L3MBTL4: variants seen among roughly 807,000 people sequenced by gnomAD.
L3MBTL4 encodes the protein L3MBTL histone methyl-lysine binding protein 4.
A neutral mutation model predicts 84.5 loss-of-function variants in L3MBTL4; 70 were observed. The observed-to-expected ratio is 0.83, with a 90% CI of 0.68 to 1.01. The LOEUF (loss-of-function observed/expected upper bound fraction) is 1.01, where lower values mean the gene tolerates loss of function less well. Ranked by LOEUF, L3MBTL4 falls within the 50% of genes least tolerant of loss-of-function variation. The pLI is 0.00. For synonymous variants in L3MBTL4, 274 were observed against 259.8 expected (o/e 1.05, Z -0.52); for missense variants, 715 against 754.8 (o/e 0.95, Z 0.62).
chr18:5,997,313 T>C (rs1483427028), intron 16 of L3MBTL4, among the ~76,000 whole-genome samples: 3 of 143,584 alleles, frequency 2.1e-5, no homozygotes, highest in African/African-American at 9.0e-5. Context: ...CTAAACAAAA[T>C]AGTGACAGAG....
intron 1 of L3MBTL4, among the ~76,000 whole-genome samples, chr18:6,406,364 A>T (rs967729981): frequency 1.3e-5 from 2 of 152,262 alleles, no homozygotes; most frequent in South Asian, 4.1e-4. Context: ...ATCTACTATC[A>T]TTAGAACATT....
intron 4 of L3MBTL4, among the ~76,000 whole-genome samples, chr18:6,299,054 G>A (rs1415409135): frequency 6.6e-6 from 1 of 152,120 alleles, no homozygotes; most frequent in Non-Finnish European, 1.5e-5. Flanking sequence ...AAGGCATATA[G>A]GTCTGGGATT....
chr18:6,059,631 G>A (rs754073115), intron 16 of L3MBTL4, among the ~76,000 whole-genome samples: 1 of 151,966 alleles, frequency 6.6e-6, no homozygotes, highest in Non-Finnish European at 1.5e-5. Context: ...AAAAAAGCCT[G>A]ATATCCTAGA....
intron 1 of L3MBTL4, among the ~76,000 whole-genome samples, chr18:6,398,763 A>AG (rs1320727670): frequency 6.7e-6 from 1 of 148,932 alleles, no homozygotes; most frequent in African/African-American, 2.5e-5. Context: ...GGGGCGGGGG[A>AG]GAAAAAAAAA....
In L3MBTL4 at chr18:5,954,733, T is replaced by G. The variant is rs1229287860; in HGVS notation, c.*1487A>C. On this transcript the variant is annotated 3_prime_UTR_variant, in exon 19 of 19. Transcript: ENST00000317931. ...AGGTATAAATTTTGTTTTCTCTGTTTATTATCATTTAAAATATATTAAAAT... is the reference window on the plus strand; with the variant it reads ...AGGTATAAATTTTGTTTTCTCTGTTGATTATCATTTAAAATATATTAAAAT... 3 of 152,196 alleles carry G rather than the reference T, an allele frequency of 2.0e-5. No homozygotes were observed. Among genetic ancestry groups the G allele is most frequent in the Non-Finnish European group, 4.4e-5 (3 of 68,042 alleles). 9.4% of individuals were successfully genotyped at this position (152,196 alleles called of 1,614,324 possible).
chr18:6,247,465 G>GTTTTT (rs2047718072), intron 5 of L3MBTL4, among the ~76,000 whole-genome samples: 1 of 84,858 alleles, frequency 1.2e-5, no homozygotes, highest in African/African-American at 6.9e-5. Context: ...CCCCTCCTCT[G>GTTTTT]ATTTTTTTTT....
chr18:6,390,304 T>C (rs2054991981), intron 1 of L3MBTL4, among the ~76,000 whole-genome samples: 1 of 152,134 alleles, frequency 6.6e-6, no homozygotes, highest in South Asian at 2.1e-4. Flanking sequence ...ACACAAGTTA[T>C]CAAAACTTCT....
At chr18:6,394,894 T>C (rs1217119599) in intron 1 of L3MBTL4, 2 of 152,214 alleles carry the variant, frequency 1.3e-5, no homozygotes, top group Non-Finnish European at 2.9e-5. Flanking sequence ...GATCATTTGC[T>C]TGCAGTTTGC....
intron 16 of L3MBTL4, among the ~76,000 whole-genome samples, chr18:5,990,669 C>G (rs959892575): frequency 1.3e-5 from 2 of 152,126 alleles, no homozygotes; most frequent in South Asian, 4.1e-4. Flanking sequence ...AAAACATCAT[C>G]TAGACTTAGC....
At chr18:6,303,574 T>C (rs561604163) in intron 3 of L3MBTL4, among the ~76,000 whole-genome samples, 6 of 152,362 alleles carry the variant, frequency 3.9e-5, no homozygotes, top group South Asian at 2.1e-4. Flanking sequence ...TTTATTCTTA[T>C]ATAGTTTTGG....
At chr18:6,148,755 G>GA (rs1358538650) in intron 13 of L3MBTL4, among the ~76,000 whole-genome samples, 4 of 151,934 alleles carry the variant, frequency 2.6e-5, no homozygotes. Context: ...TTTAAGAATA[G>GA]AAAAAATGTT....
Position 6,239,790 on chromosome 18 carries a change from G to A in L3MBTL4, c.635C>T (p.Ala212Val), listed in dbSNP as rs756896807. The change falls in exon 9 of 19, where the codon GCG (alanine) becomes GTG (valine). Residue 212 changes from alanine to valine, a missense_variant. Coordinates refer to ENST00000317931, the MANE Select transcript of L3MBTL4 (RefSeq NM_001330559.2). The part of the protein sequence containing the change: ...DRKNPSLVCV[A>V]TIADIVEDRL... ...ATCTTCAACAATATCTGCTATGGTC[G>A]CCACACACACCAAGGAAGGGTTCTT... 3.7e-6 allele frequency: 6 copies of A among 1,614,034 alleles called. No individual in the cohort carries two copies. Among genetic ancestry groups the A allele is most frequent in the Non-Finnish European group, 4.2e-6 (5 of 1,179,966 alleles).
chr18:6,357,291 T>C (rs915754403), intron 1 of L3MBTL4, among the ~76,000 whole-genome samples: 1 of 152,198 alleles, frequency 6.6e-6, no homozygotes, highest in African/African-American at 2.4e-5. Flanking sequence ...TCTCATCAAA[T>C]CTTGAGACAT....
chr18:6,321,296 C>CA (rs2051390661), intron 1 of L3MBTL4, among the ~76,000 whole-genome samples: 1 of 152,004 alleles, frequency 6.6e-6, no homozygotes, highest in African/African-American at 2.4e-5. Context: ...ACAGACAACC[C>CA]AGAGAATGGG....
At chr18:6,147,662 C>T (rs1470671516) in intron 13 of L3MBTL4, among the ~76,000 whole-genome samples, 3 of 152,122 alleles carry the variant, frequency 2.0e-5, no homozygotes, top group South Asian at 2.1e-4. Flanking sequence ...AGAGATGAAT[C>T]GATATAATAA....
chr18:6,024,663 A>C (rs2055423420), intron 16 of L3MBTL4, among the ~76,000 whole-genome samples: 1 of 152,226 alleles, frequency 6.6e-6, no homozygotes, highest in Admixed American at 6.5e-5. Flanking sequence ...CAAACTAAGA[A>C]ATGAAACCAA....
intron 14 of L3MBTL4, among the ~76,000 whole-genome samples, chr18:6,128,033 T>TC (rs1555663007): frequency 1.6e-4 from 15 of 92,104 alleles, no homozygotes; most frequent in African/African-American, 5.4e-4. Context: ...AAATATTGGG[T>TC]GGGGCGGGGG....
chr18:6,087,568 T>C (rs748272549), intron 15 of L3MBTL4, among the ~76,000 whole-genome samples: 17 of 152,118 alleles, frequency 1.1e-4, no homozygotes, highest in African/African-American at 1.7e-4. Flanking sequence ...AAACCCCCTA[T>C]AGGGCAAGAA....
chr18:6,358,788 A>T (rs750359114), intron 1 of L3MBTL4, among the ~76,000 whole-genome samples: 10 of 152,238 alleles, frequency 6.6e-5, no homozygotes. Flanking sequence ...GTGAGAGGCC[A>T]GTTCCCTGAA....
Sources: allele counts gnomAD v4.1 joint callset (sites outside exome capture counted in the v4.1 genomes callset), GRCh38; gene constraint gnomAD v4.1.1; transcripts MANE v1.5; gene names NCBI Gene and HGNC (gene_info 2026-07-23, HGNC 2026-07-21).